Variants in CPNE4 observed in about 807,000 individuals in gnomAD.
CPNE4 encodes the protein copine-4.
A neutral mutation model predicts 67.9 loss-of-function variants in CPNE4; 25 were observed. That is an observed-to-expected ratio of 0.37 (90% CI 0.27 to 0.51). The LOEUF (loss-of-function observed/expected upper bound fraction) is 0.51, where lower values mean the gene tolerates loss of function less well. CPNE4 is among the 20% of genes least tolerant of loss of function. The pLI, the probability that CPNE4 is intolerant of heterozygous loss-of-function variation, is 0.93. For synonymous variants in CPNE4, 242 were observed against 244.9 expected, an observed-to-expected ratio of 0.99 and a Z score of 0.11; for missense variants, 464 against 690.8, an observed-to-expected ratio of 0.67 and a Z score of 3.68.
chr3:131,915,579 C>G (rs2089152500), intron 1 of CPNE4, among the ~76,000 whole-genome samples: 3 of 152,172 alleles, frequency 2.0e-5, no homozygotes, highest in African/African-American at 7.2e-5. Context: ...AATATGAGTA[C>G]ATGAATTAAC....
At chr3:132,028,673 C>T (rs543447097) in intron 1 of CPNE4, among the ~76,000 whole-genome samples, 4 of 152,118 alleles carry the variant, frequency 2.6e-5, no homozygotes, top group South Asian at 4.2e-4. Flanking sequence ...GGAAAAATGG[C>T]GAAAGTAATT....
At chr3:131,624,117 G>A (rs1050565932) in intron 7 of CPNE4, among the ~76,000 whole-genome samples, 1 of 152,190 alleles carries the variant, frequency 6.6e-6, no homozygotes, top group African/African-American at 2.4e-5. Context: ...TTTTGTCTGC[G>A]AATTTGGATT....
intron 1 of CPNE4, among the ~76,000 whole-genome samples, chr3:131,978,180 T>G (rs1246615636): frequency 1.5e-5 from 1 of 65,074 alleles, no homozygotes; most frequent in Non-Finnish European, 2.5e-5. Flanking sequence ...TATGTAAATA[T>G]ATATAATATA....
intron 1 of CPNE4, among the ~76,000 whole-genome samples, chr3:132,029,969 C>T (rs964023807): frequency 2.4e-4 from 36 of 152,232 alleles, no homozygotes; most frequent in African/African-American, 8.4e-4. Context: ...TTTTACAGAA[C>T]ATGCACATTA....
intron 7 of CPNE4, among the ~76,000 whole-genome samples, chr3:131,616,037 C>T (rs904461805): frequency 6.6e-6 from 1 of 152,102 alleles, no homozygotes; most frequent in Non-Finnish European, 1.5e-5. Context: ...ATCTCATGCC[C>T]ATGCTCCCCT....
chr3:132,009,695 T>C (rs922565471), intron 1 of CPNE4, among the ~76,000 whole-genome samples: 6 of 152,220 alleles, frequency 3.9e-5, no homozygotes, highest in East Asian at 1.9e-4. Context: ...GAAAAAATTA[T>C]GTATGCAGAG....
At chr3:131,679,621 C>A (rs9866132) in intron 6 of CPNE4, among the ~76,000 whole-genome samples, 58,202 of 151,850 alleles carry the variant, frequency 0.38, 13,148 homozygotes, top group Middle Eastern at 0.53. Context: ...GATTGTGGTA[C>A]GTTGTGTCTT....
intron 3 of CPNE4, among the ~76,000 whole-genome samples, chr3:131,720,814 T>C (rs961236714): frequency 2.6e-5 from 4 of 152,170 alleles, no homozygotes; most frequent in African/African-American, 9.7e-5. Context: ...TTCCTTCACC[T>C]CCTTTGACTT....
chr3:132,000,978 G>A (rs892776764), intron 1 of CPNE4, among the ~76,000 whole-genome samples: 25 of 151,918 alleles, frequency 1.6e-4, no homozygotes, highest in African/African-American at 1.9e-4. Flanking sequence ...GCACAGAAAT[G>A]TTAAGAAGCT....
intron 1 of CPNE4, among the ~76,000 whole-genome samples, chr3:131,950,870 T>C (rs557096085): frequency 1.3e-5 from 2 of 152,342 alleles, no homozygotes; most frequent in African/African-American, 2.4e-5. Context: ...CCGAGGCACA[T>C]AAAATGTCAA....
intron 1 of CPNE4, among the ~76,000 whole-genome samples, chr3:132,003,008 A>C (rs1241053172): frequency 6.6e-6 from 1 of 152,096 alleles, no homozygotes; most frequent in African/African-American, 2.4e-5. Flanking sequence ...CTGAGTCAGA[A>C]TTTGCATTTT....
At chr3:131,786,188 T>C (rs1050744436) in intron 2 of CPNE4, among the ~76,000 whole-genome samples, 4 of 152,160 alleles carry the variant, frequency 2.6e-5, no homozygotes, top group African/African-American at 4.8e-5. Flanking sequence ...TTTGTTCCTC[T>C]TCTTCATTTC....
chr3:131,716,610 T>C (rs1056300609), intron 3 of CPNE4, among the ~76,000 whole-genome samples: 9 of 152,322 alleles, frequency 5.9e-5, no homozygotes, highest in African/African-American at 2.2e-4. Flanking sequence ...CATGTTGGTC[T>C]CTACAAGCAT....
chr3:131,578,230 C>T (rs1937600021), intron 9 of CPNE4, among the ~76,000 whole-genome samples: 1 of 152,182 alleles, frequency 6.6e-6, no homozygotes, highest in South Asian at 2.1e-4. Context: ...CCAACTTTTT[C>T]ATTATTATTG....
At chr3:131,553,077 C>T (rs980471849) in intron 12 of CPNE4, among the ~76,000 whole-genome samples, 2 of 152,094 alleles carry the variant, frequency 1.3e-5, no homozygotes, top group Non-Finnish European at 2.9e-5. Context: ...TATTTCAACA[C>T]AAATTCCTCT....
chr3:131,578,499 G>T (rs1187978906), intron 9 of CPNE4, among the ~76,000 whole-genome samples: 1 of 152,132 alleles, frequency 6.6e-6, no homozygotes, highest in African/African-American at 2.4e-5. Context: ...GAAAGGAAGA[G>T]TCATGCATCT....
chr3:131,670,727 G>A (rs2080389272), intron 6 of CPNE4, among the ~76,000 whole-genome samples: 1 of 152,120 alleles, frequency 6.6e-6, no homozygotes, highest in South Asian at 2.1e-4. Flanking sequence ...ACTGCTCTAG[G>A]GGATATACAA....
intron 7 of CPNE4, among the ~76,000 whole-genome samples, chr3:131,626,050 T>G (rs1252817407): frequency 6.6e-6 from 1 of 152,208 alleles, no homozygotes; most frequent in Non-Finnish European, 1.5e-5. Flanking sequence ...ACAGTGAACT[T>G]AAACAATTAA....
chr3:131,609,198 C>G (rs1481161804), intron 7 of CPNE4, among the ~76,000 whole-genome samples: 1 of 152,176 alleles, frequency 6.6e-6, no homozygotes, highest in Non-Finnish European at 1.5e-5. Context: ...GCAACCACTT[C>G]TATTTAACTT....
Sources: allele counts gnomAD v4.1 joint callset (sites outside exome capture counted in the v4.1 genomes callset), GRCh38; gene constraint gnomAD v4.1.1; transcripts MANE v1.5; gene names NCBI Gene and HGNC (gene_info 2026-07-23, HGNC 2026-07-21).